The following ZC3H12B variants were observed in gnomAD, a reference collection of about 807,000 sequenced individuals.
The protein encoded by ZC3H12B is zinc finger CCCH-type containing 12B, also known as probable ribonuclease ZC3H12B.
In ZC3H12B, 7 loss-of-function variants were observed where a neutral mutation model predicts 43.9. The observed-to-expected ratio is 0.16, with a 90% CI of 0.09 to 0.30. The LOEUF is 0.30. Ranked by LOEUF, ZC3H12B falls within the 10% of genes least tolerant of loss-of-function variation. The probability of loss-of-function intolerance (pLI) is 1.00; values close to 1 mark genes in which losing one functional copy is unlikely to be tolerated. For missense variants in ZC3H12B, 475 were observed against 670.2 expected, an observed-to-expected ratio of 0.71 and a Z score of 3.22; for synonymous variants, 222 against 241.7, an observed-to-expected ratio of 0.92 and a Z score of 0.76.
the ZC3H12B span, among the ~76,000 whole-genome samples, chrX:65,335,408 A>C: frequency 8.9e-6 from 1 of 112,123 alleles, no homozygotes; most frequent in Non-Finnish European, 1.9e-5. Flanking sequence ...CTGGCTTTTT[A>C]GCTTTACCAA....
the ZC3H12B span, among the ~76,000 whole-genome samples, chrX:65,075,321 T>C: frequency 8.9e-6 from 1 of 112,502 alleles, no homozygotes; most frequent in African/African-American, 3.2e-5. Flanking sequence ...AGTTTCTTGG[T>C]CAGACCCCAA....
chrX:65,392,722 GGCCA>G (rs769012669), intron 2 of ZC3H12B, among the ~76,000 whole-genome samples: 131 of 113,262 alleles, frequency 1.2e-3, no homozygotes, highest in Non-Finnish European at 1.5e-3. Context: ...CCCTCTGCCT[GGCCA>G]CCACCCCGTC....
the ZC3H12B span, among the ~76,000 whole-genome samples, chrX:65,171,555 ACT>A: frequency 9.1e-6 from 1 of 109,793 alleles, no homozygotes; most frequent in Non-Finnish European, 1.9e-5. Flanking sequence ...GAGAAGCACT[ACT>A]CTCTTCAAAG....
chrX:65,373,899 ATATATATAGT>A (rs199850414), intron 2 of ZC3H12B, among the ~76,000 whole-genome samples: 3 of 24,473 alleles, frequency 1.2e-4, no homozygotes, highest in Admixed American at 1.4e-3. Flanking sequence ...ATAGTAATAT[ATATATATAGT>A]TATATATATA....
intron 2 of ZC3H12B, among the ~76,000 whole-genome samples, chrX:65,379,696 T>G (rs1343416410): frequency 3.6e-5 from 4 of 111,429 alleles, no homozygotes; most frequent in Non-Finnish European, 7.5e-5. Context: ...CGCAAAGAAG[T>G]TGAAAACTTT....
At chrX:65,101,716 C>T in the ZC3H12B span, among the ~76,000 whole-genome samples, 11 of 111,794 alleles carry the variant, frequency 9.8e-5, no homozygotes, top group Admixed American at 1.0e-3. Context: ...CTGAATAGAC[C>T]AATAACAAGT....
chrX:65,236,433 G>A, the ZC3H12B span, among the ~76,000 whole-genome samples: 1 of 111,109 alleles, frequency 9.0e-6, no homozygotes, highest in Non-Finnish European at 1.9e-5. Context: ...ATTCCTTTTA[G>A]AATCTAGATA....
intron 3 of ZC3H12B, among the ~76,000 whole-genome samples, chrX:65,409,161 TA>T (rs749258695): frequency 9.0e-5 from 10 of 111,009 alleles, no homozygotes; most frequent in Non-Finnish European, 1.5e-4. Flanking sequence ...TGTCAAGAAA[TA>T]AAAAAATAGG....
At chrX:65,365,036 C>T (rs1334991018), upstream of ZC3H12B, among the ~76,000 whole-genome samples, 1 of 111,588 alleles carries the variant, frequency 9.0e-6, no homozygotes, top group Admixed American at 9.5e-5. Flanking sequence ...GTTTGGCCTT[C>T]CTACCTCTAT....
the ZC3H12B span, among the ~76,000 whole-genome samples, chrX:65,126,466 G>A: frequency 1.8e-5 from 2 of 111,104 alleles, no homozygotes; most frequent in East Asian, 5.7e-4. Context: ...TGTGTGCCTA[G>A]GCAATTATCT....
At chrX:65,358,263 C>T in the ZC3H12B span, among the ~76,000 whole-genome samples, 1,447 of 111,147 alleles carry the variant, frequency 0.013, 10 homozygotes, top group Non-Finnish European at 0.019. Context: ...TTTAACACTG[C>T]ACTGTCAATA....
At chrX:65,167,635 G>C in the ZC3H12B span, among the ~76,000 whole-genome samples, 2 of 112,017 alleles carry the variant, frequency 1.8e-5, no homozygotes, top group Non-Finnish European at 3.8e-5. Flanking sequence ...ACCTTGGGCA[G>C]TACGGCTGTT....
intron 3 of ZC3H12B, among the ~76,000 whole-genome samples, chrX:65,455,118 C>A (rs2067587970): frequency 8.9e-6 from 1 of 112,354 alleles, no homozygotes; most frequent in Admixed American, 9.5e-5. Context: ...TGCAACAAAG[C>A]TGGATGGAGA....
chrX:65,344,391 G>A, the ZC3H12B span, among the ~76,000 whole-genome samples: 13,218 of 111,208 alleles, frequency 0.12, 1,887 homozygotes, highest in African/African-American at 0.4. Context: ...CAATGGAACA[G>A]AATGGAGATC....
the ZC3H12B span, among the ~76,000 whole-genome samples, chrX:65,171,186 G>C: frequency 2.7e-5 from 3 of 110,847 alleles, no homozygotes; most frequent in African/African-American, 9.9e-5. Context: ...TCCACCTTTT[G>C]TCTTTGATGA....
the ZC3H12B span, among the ~76,000 whole-genome samples, chrX:65,047,901 C>T: frequency 9.1e-6 from 1 of 110,039 alleles, no homozygotes; most frequent in African/African-American, 3.3e-5. Flanking sequence ...TATGTTGGGG[C>T]TAAGTCTTTA....
At chrX:65,374,844 T>C (rs1205598895) in intron 2 of ZC3H12B, among the ~76,000 whole-genome samples, 1 of 110,856 alleles carries the variant, frequency 9.0e-6, no homozygotes, top group Non-Finnish European at 1.9e-5. Flanking sequence ...AAAAGCCCCT[T>C]ATAAAACCAT....
chrX:65,087,513 G>A, the ZC3H12B span, among the ~76,000 whole-genome samples: 1 of 111,852 alleles, frequency 8.9e-6, no homozygotes, highest in Admixed American at 9.5e-5. Context: ...ATAAAGACAT[G>A]AGAGGACACA....
chrX:65,116,501 T>C, the ZC3H12B span, among the ~76,000 whole-genome samples: 1 of 111,422 alleles, frequency 9.0e-6, no homozygotes, highest in Non-Finnish European at 1.9e-5. Context: ...AGATTTGTTC[T>C]TTTTGCTAAG....
Sources: gnomAD v4.1 joint callset for allele counts (sites outside exome capture counted in the v4.1 genomes callset) on GRCh38, gnomAD v4.1.1 for gene constraint, MANE v1.5 for transcripts, NCBI Gene and HGNC (gene_info 2026-07-23, HGNC 2026-07-21) for gene names.